Variants in TRHDE observed in about 807,000 individuals in gnomAD.
The protein encoded by TRHDE is thyrotropin-releasing hormone-degrading ectoenzyme.
Under a neutral mutation model 125.7 loss-of-function variants are expected in TRHDE, and 72 were observed. The observed-to-expected ratio is 0.57, with a 90% CI of 0.47 to 0.70. The LOEUF (loss-of-function observed/expected upper bound fraction) is 0.70, where lower values mean the gene tolerates loss of function less well. Among genes scored for constraint, TRHDE ranks in the 30% least tolerant of loss-of-function variants. The probability of loss-of-function intolerance (pLI) is 0.00; values close to 1 mark genes in which losing one functional copy is unlikely to be tolerated. For missense variants in TRHDE, 1,110 were observed against 1,327.1 expected, an observed-to-expected ratio of 0.84 and a Z score of 2.54; for synonymous variants, 509 against 509.1, an observed-to-expected ratio of 1.00 and a Z score of 0.00.
chr12:72,095,347 T>G (rs1874889561), intron 1 of TRHDE, among the ~76,000 whole-genome samples: 1 of 152,192 alleles, frequency 6.6e-6, no homozygotes, highest in Non-Finnish European at 1.5e-5. Flanking sequence ...TTGAAGCAAG[T>G]GTTATAAATA....
intron 2 of TRHDE, among the ~76,000 whole-genome samples, chr12:72,359,249 T>G (rs1206802126): frequency 6.6e-6 from 1 of 151,662 alleles, no homozygotes. Context: ...ATGATACAAT[T>G]CTTGGCAAAC....
chr12:72,176,447 T>C (rs530636208), intron 2 of TRHDE, among the ~76,000 whole-genome samples: 2 of 152,272 alleles, frequency 1.3e-5, no homozygotes, highest in African/African-American at 4.8e-5. Flanking sequence ...AGCTAGAGGC[T>C]GTGAGTGTGG....
intron 6 of TRHDE, among the ~76,000 whole-genome samples, chr12:72,507,636 G>C (rs756390912): frequency 1.3e-5 from 2 of 152,190 alleles, no homozygotes; most frequent in Non-Finnish European, 2.9e-5. Context: ...GAGTGTAAAA[G>C]TTTGGAAAAT....
chr12:72,137,791 A>G (rs1876017442), intron 2 of TRHDE, among the ~76,000 whole-genome samples: 1 of 152,212 alleles, frequency 6.6e-6, no homozygotes, highest in African/African-American at 2.4e-5. Context: ...ATAGGTCCTC[A>G]AAATCCACAT....
At chr12:72,519,054 C>G (rs1879037523) in intron 6 of TRHDE, among the ~76,000 whole-genome samples, 1 of 152,186 alleles carries the variant, frequency 6.6e-6, no homozygotes, top group Non-Finnish European at 1.5e-5. Context: ...GGTAACCCAA[C>G]CTTTCCCTCT....
chr12:72,102,425 T>C (rs1353153818), intron 1 of TRHDE, among the ~76,000 whole-genome samples: 2 of 152,208 alleles, frequency 1.3e-5, no homozygotes, highest in African/African-American at 4.8e-5. Context: ...CATTGAATAC[T>C]CAAATAACTT....
intron 3 of TRHDE, among the ~76,000 whole-genome samples, chr12:72,417,844 T>G (rs372519687): frequency 8.5e-5 from 13 of 152,142 alleles, no homozygotes; most frequent in African/African-American, 3.1e-4. Flanking sequence ...TCATTAGTCT[T>G]TCTCATATTT....
At chr12:72,284,501 G>A (rs1256092672) in intron 1 of TRHDE, among the ~76,000 whole-genome samples, 1 of 152,074 alleles carries the variant, frequency 6.6e-6, no homozygotes, top group Non-Finnish European at 1.5e-5. Flanking sequence ...TAACTAAAAG[G>A]TACTGACATT....
rs1425732341 is a variant in TRHDE, at chr12:72,273,717, G to T, written c.914+160G>T. On this transcript the variant is annotated intron_variant, in intron 1 of 18. Transcript: ENST00000261180. The surrounding 1 kb of genome is among the most constrained non-coding windows in gnomAD (Gnocchi z 5.3). Reference sequence around the variant, plus strand: ...GGAGTAGGGCAGTCAGAACTCCGGGGTCTCCCAGATGCCTCGGGGTCTCGC... The same window carrying T: ...GGAGTAGGGCAGTCAGAACTCCGGGTTCTCCCAGATGCCTCGGGGTCTCGC... 62 of 657,804 alleles carry T rather than the reference G, an allele frequency of 9.4e-5. No homozygotes were observed. In the East Asian group the frequency reaches 1.7e-3, roughly 18 times the overall value. The allele number at this position is 657,804 out of a possible 1,614,324, so 40.7% of individuals were successfully genotyped here.
intron 6 of TRHDE, among the ~76,000 whole-genome samples, chr12:72,514,083 C>T (rs1288890890): frequency 6.6e-6 from 1 of 152,110 alleles, no homozygotes; most frequent in African/African-American, 2.4e-5. Context: ...TTTAAAATGG[C>T]TGGTCCTGGA....
chr12:72,236,103 A>G (rs966996007), intron 2 of TRHDE, among the ~76,000 whole-genome samples: 16 of 152,286 alleles, frequency 1.1e-4, no homozygotes, highest in African/African-American at 3.8e-4. Context: ...TTTACTGACC[A>G]TAACTAGTTA....
chr12:72,195,918 G>T (rs1877432286), intron 2 of TRHDE, among the ~76,000 whole-genome samples: 1 of 152,088 alleles, frequency 6.6e-6, no homozygotes, highest in Non-Finnish European at 1.5e-5. Flanking sequence ...TGAAAGGTAT[G>T]GGTCCAGTTT....
intron 2 of TRHDE, among the ~76,000 whole-genome samples, chr12:72,327,725 C>T (rs920390670): frequency 1.3e-5 from 2 of 151,828 alleles, no homozygotes; most frequent in African/African-American, 2.4e-5. Flanking sequence ...TAGCTTTTAG[C>T]AGCTGTTCTC....
At chr12:72,464,038 A>G (rs1342128750) in intron 3 of TRHDE, among the ~76,000 whole-genome samples, 1 of 152,186 alleles carries the variant, frequency 6.6e-6, no homozygotes, top group Non-Finnish European at 1.5e-5. Context: ...AAAAGCTGCA[A>G]GGCTTTCTTA....
chr12:72,094,853 C>T (rs1186444033), intron 1 of TRHDE, among the ~76,000 whole-genome samples: 3 of 152,182 alleles, frequency 2.0e-5, no homozygotes, highest in East Asian at 3.9e-4. Flanking sequence ...TGGTCCTCCT[C>T]AGTCATAGGT....
intron 5 of TRHDE, among the ~76,000 whole-genome samples, chr12:72,479,049 G>A (rs1877036693): frequency 6.6e-6 from 1 of 151,154 alleles, no homozygotes; most frequent in African/African-American, 2.4e-5. Context: ...TCTCATTTTA[G>A]GACTAATTCT....
chr12:72,146,021 C>A (rs1019563222), intron 2 of TRHDE, among the ~76,000 whole-genome samples: 3 of 152,082 alleles, frequency 2.0e-5, no homozygotes, highest in African/African-American at 7.2e-5. Context: ...ATTCTTATCT[C>A]CTACTAGGCA....
intron 6 of TRHDE, among the ~76,000 whole-genome samples, chr12:72,520,008 C>T (rs1350987143): frequency 6.6e-6 from 1 of 152,150 alleles, no homozygotes; most frequent in African/African-American, 2.4e-5. Flanking sequence ...TCTCAGATGT[C>T]CAGCTGTGTG....
intron 6 of TRHDE, among the ~76,000 whole-genome samples, chr12:72,531,952 C>T (rs536169099): frequency 2.0e-5 from 3 of 152,128 alleles, no homozygotes; most frequent in Non-Finnish European, 4.4e-5. Flanking sequence ...TTTGCTAATC[C>T]ATGTGAATTT....
Sources: gnomAD v4.1 joint callset for allele counts (sites outside exome capture counted in the v4.1 genomes callset) on GRCh38, gnomAD v4.1.1 for gene constraint, Gnocchi (gnomAD v3.1) non-coding constraint, MANE v1.5 for transcripts, NCBI Gene and HGNC (gene_info 2026-07-23, HGNC 2026-07-21) for gene names.